CEP85L: variants seen among roughly 807,000 people sequenced by gnomAD.
CEP85L encodes centrosomal protein of 85 kDa-like.
Under a neutral mutation model 100.3 loss-of-function variants are expected in CEP85L, and 60 were observed. The ratio of observed to expected loss-of-function variants is 0.60; its 90% CI spans 0.49 to 0.74. The LOEUF (loss-of-function observed/expected upper bound fraction) is 0.74, where lower values mean the gene tolerates loss of function less well. CEP85L is among the 30% of genes least tolerant of loss of function. The pLI, the probability that CEP85L is intolerant of heterozygous loss-of-function variation, is 0.00. For synonymous variants in CEP85L, 319 were observed against 322.7 expected (o/e 0.99, Z 0.12); for missense variants, 973 against 936.2 (o/e 1.04, Z -0.51).
chr6:118,514,546 A>G (rs1260527211), intron 4 of CEP85L, among the ~76,000 whole-genome samples: 1 of 151,410 alleles, frequency 6.6e-6, no homozygotes, highest in Admixed American at 6.6e-5. Context: ...AAAAAAAAGA[A>G]AACAAATACC....
chr6:118,569,750 T>C (rs1192091639), intron 2 of CEP85L, among the ~76,000 whole-genome samples: 2 of 151,480 alleles, frequency 1.3e-5, no homozygotes, highest in Non-Finnish European at 2.9e-5. Flanking sequence ...AAAGGCTAAA[T>C]ACCCATACAT....
intron 5 of CEP85L, among the ~76,000 whole-genome samples, chr6:118,507,945 T>C (rs1321585225): frequency 1.3e-5 from 2 of 152,362 alleles, no homozygotes; most frequent in East Asian, 1.9e-4. Context: ...TACACATTCC[T>C]TGAGGGCAAA....
At position 118,565,326 on chromosome 6, in the gene CEP85L, T is replaced by C. The variant is rs541247129; in HGVS notation, c.1020+203A>G. 9 of 590,752 alleles carry C rather than the reference T, an allele frequency of 1.5e-5. No homozygotes were observed. The South Asian group carries it at 1.6e-4, about 10-fold the overall frequency. The allele number at this position is 590,752 out of a possible 1,614,324, so 36.6% of individuals were successfully genotyped here. On this transcript the variant is annotated intron_variant, in intron 3 of 12. Transcript: ENST00000368491. ...AAAGAACAAGCTAGGTACAAGGTTTTCAGATTTTCATGTTAATTAGTCTCA... is the reference window on the plus strand; with the variant it reads ...AAAGAACAAGCTAGGTACAAGGTTTCCAGATTTTCATGTTAATTAGTCTCA...
intron 1 of CEP85L, among the ~76,000 whole-genome samples, chr6:118,645,578 G>A (rs1489789038): frequency 6.6e-6 from 1 of 152,210 alleles, no homozygotes; most frequent in Non-Finnish European, 1.5e-5. Flanking sequence ...AGGCTGAAGT[G>A]AGAGGACTGC....
chr6:118,557,109 T>C (rs1286906069), intron 3 of CEP85L, among the ~76,000 whole-genome samples: 3 of 152,158 alleles, frequency 2.0e-5, no homozygotes, highest in Non-Finnish European at 4.4e-5. Flanking sequence ...CATCAAATCT[T>C]ATTAAAATGT....
intron 2 of CEP85L, among the ~76,000 whole-genome samples, chr6:118,611,869 A>T (rs1245668106): frequency 6.6e-6 from 1 of 150,950 alleles, no homozygotes; most frequent in Non-Finnish European, 1.5e-5. Context: ...ACACAGAAAT[A>T]AAAAAATACA....
chr6:118,518,181 C>T (rs775255948), intron 4 of CEP85L, among the ~76,000 whole-genome samples: 1 of 152,098 alleles, frequency 6.6e-6, no homozygotes, highest in Non-Finnish European at 1.5e-5. Flanking sequence ...CAATATTGGC[C>T]TGAAATTTTC....
At chr6:118,502,778 C>A (rs1775389486) in intron 5 of CEP85L, 1 of 601,196 alleles carries the variant, frequency 1.7e-6, no homozygotes, top group Non-Finnish European at 3.1e-6. Flanking sequence ...AGAACTTGTA[C>A]AACAAGTAAC....
At chr6:118,703,312 G>A (rs1777485734) in intron 1 of CEP85L, among the ~76,000 whole-genome samples, 1 of 151,988 alleles carries the variant, frequency 6.6e-6, no homozygotes, top group Admixed American at 6.6e-5. Flanking sequence ...ATAAATAACT[G>A]ATATACCAAC....
chr6:118,647,118 T>C, intron 1 of CEP85L: 1 of 960,470 alleles, frequency 1.0e-6, no homozygotes, highest in Non-Finnish European at 1.2e-6. Context: ...TAGAAGTCCA[T>C]CTAATTCAGA....
chr6:118,482,314 T>C (rs540524129), intron 7 of CEP85L, among the ~76,000 whole-genome samples: 15 of 152,318 alleles, frequency 9.8e-5, no homozygotes, highest in African/African-American at 3.6e-4. Context: ...CCAGAACTCT[T>C]CATCTTGCAT....
At chr6:118,709,896 A>G (rs1777731848) in intron 1 of CEP85L, 1 of 152,142 alleles carries the variant, frequency 6.6e-6, no homozygotes, top group South Asian at 2.1e-4. Flanking sequence ...TCTGCTTCTA[A>G]GCAAGAGGTA....
intron 2 of CEP85L, among the ~76,000 whole-genome samples, chr6:118,592,000 A>T (rs1422975547): frequency 6.6e-5 from 10 of 152,210 alleles, no homozygotes; most frequent in Non-Finnish European, 1.5e-5. Flanking sequence ...TGAAATTACG[A>T]TTTCACAAGC....
chr6:118,511,437 C>A (rs1562214507), intron 4 of CEP85L, 22 bp from the exon 5 acceptor site: 10 of 1,456,852 alleles, frequency 6.9e-6, no homozygotes, highest in Non-Finnish European at 8.7e-6. Flanking sequence ...AAATTAAGGT[C>A]ACATTATGAG....
intron 10 of CEP85L, among the ~76,000 whole-genome samples, chr6:118,474,011 TATC>T (rs1459022691): frequency 6.6e-6 from 1 of 152,210 alleles, no homozygotes; most frequent in Non-Finnish European, 1.5e-5. Flanking sequence ...TTAAATTAGT[TATC>T]ATCTTGTAAC....
rs968878405 is a variant in CEP85L, at chr6:118,523,688, A to G, written c.1139+114T>C. On this transcript the variant is annotated intron_variant, in intron 4 of 12. Coordinates refer to ENST00000368491, the MANE Select transcript of CEP85L (RefSeq NM_001042475.3). ...GAGGAGGGGCAGAGATGTGACATCA[A>G]TGAATCTGTAAGGTTCTAGATCTTA... The G allele has an allele frequency of 1.2e-5, 6 of 501,382 alleles. No individual in the cohort carries two copies. In the East Asian group the frequency reaches 2.0e-4, roughly 17 times the overall value. The allele number at this position is 501,382 out of a possible 1,614,324, so 31.1% of individuals were successfully genotyped here.
At chr6:118,520,422 G>A (rs1776591977) in intron 4 of CEP85L, among the ~76,000 whole-genome samples, 1 of 151,722 alleles carries the variant, frequency 6.6e-6, no homozygotes, top group Non-Finnish European at 1.5e-5. Context: ...TTTTTTAATC[G>A]ACATAATTGT....
At chr6:118,590,044 TACACAC>T (rs58587419) in intron 2 of CEP85L, among the ~76,000 whole-genome samples, 14 of 150,314 alleles carry the variant, frequency 9.3e-5, no homozygotes, top group African/African-American at 1.2e-4. Context: ...TCTCTGCATT[TACACAC>T]ACACACACAC....
At chr6:118,487,888 A>C (rs983597482) in intron 6 of CEP85L, among the ~76,000 whole-genome samples, 33 of 152,186 alleles carry the variant, frequency 2.2e-4, no homozygotes, top group Admixed American at 1.3e-4. Context: ...AAAGCAATGG[A>C]CAGAACACCC....
Sources: allele counts gnomAD v4.1 joint callset (sites outside exome capture counted in the v4.1 genomes callset), GRCh38; gene constraint gnomAD v4.1.1; transcripts MANE v1.5; gene names NCBI Gene and HGNC (gene_info 2026-07-23, HGNC 2026-07-21).